Variants in TRPM3 observed in about 807,000 individuals in gnomAD.
The protein encoded by TRPM3 is transient receptor potential cation channel subfamily M member 3, also known as long transient receptor potential channel 3.
In TRPM3, 77 loss-of-function variants were observed where a neutral mutation model predicts 181.2. The ratio of observed to expected loss-of-function variants is 0.42; its 90% CI spans 0.35 to 0.51. TRPM3 has a LOEUF of 0.51. Among genes scored for constraint, TRPM3 ranks in the 20% least tolerant of loss-of-function variants. TRPM3 has a pLI of 0.01. For synonymous variants in TRPM3, 745 were observed against 796.4 expected (o/e 0.94, Z 1.09); for missense variants, 1,759 against 2,196.7 (o/e 0.80, Z 3.98).
At position 71,121,453 on chromosome 9, in the gene TRPM3, T is replaced by C; in HGVS notation, c.-99A>G. On this transcript the variant is annotated 5_prime_UTR_variant, in exon 1 of 26. Coordinates refer to ENST00000677713, the MANE Select transcript of TRPM3 (RefSeq NM_001366145.2). ...GCCTTGCCTGAGCCCCTGAACCTTC[T>C]TAAAACAGCCACCTCCCCTCTCTCT... The C allele has an allele frequency of 6.8e-7, 1 of 1,473,024 alleles. No homozygotes were observed. Among genetic ancestry groups the C allele is most frequent in the Non-Finnish European group, 9.0e-7 (1 of 1,116,242 alleles). 91.2% of individuals were successfully genotyped at this position (1,473,024 alleles called of 1,614,324 possible).
intron 1 of TRPM3, among the ~76,000 whole-genome samples, chr9:70,910,707 A>C (rs2096529279): frequency 6.6e-6 from 1 of 152,168 alleles, no homozygotes; most frequent in African/African-American, 2.4e-5. Context: ...TGTGAATAAG[A>C]GTTACCAAAT....
intron 1 of TRPM3, among the ~76,000 whole-genome samples, chr9:71,279,655 A>G (rs2084540883): frequency 6.6e-6 from 1 of 152,164 alleles, no homozygotes; most frequent in Non-Finnish European, 1.5e-5. Context: ...CCAGCCCCCA[A>G]GCAGGCTCAG....
chr9:71,026,755 C>G (rs1479737456), intron 1 of TRPM3, among the ~76,000 whole-genome samples: 1 of 152,212 alleles, frequency 6.6e-6, no homozygotes, highest in East Asian at 1.9e-4. Flanking sequence ...CCTAAGCGGC[C>G]ACCACTGCCA....
At position 70,536,817 on chromosome 9, in the gene TRPM3, G is replaced by A. The variant is rs138081538; in HGVS notation, c.4296C>T (p.Ser1432=). ...LHCDIDPLDN[S]VNILGLGEPS... ...GCTCGCCCAGCCCAAGGATGTTCACGGAATTGTCCAGAGGGTCTATATCAC... is the reference window on the plus strand; with the variant it reads ...GCTCGCCCAGCCCAAGGATGTTCACAGAATTGTCCAGAGGGTCTATATCAC... The change falls in exon 26 of 26, where the codon TCC becomes TCT. Residue 1432 remains serine, a synonymous_variant. Coordinates refer to ENST00000677713, the MANE Select transcript of TRPM3 (RefSeq NM_001366145.2). 126 of 1,614,130 alleles carry A rather than the reference G, an allele frequency of 7.8e-5. No homozygotes were observed. The Middle Eastern group carries it at 1.3e-3, about 17-fold the overall frequency.
intron 1 of TRPM3, among the ~76,000 whole-genome samples, chr9:70,892,685 G>A (rs773006549): frequency 6.6e-6 from 1 of 151,108 alleles, no homozygotes; most frequent in Non-Finnish European, 1.5e-5. Flanking sequence ...GTTAAGACCA[G>A]TTCTAAATAA....
chr9:70,567,016 C>G (rs141465587), intron 22 of TRPM3, among the ~76,000 whole-genome samples: 3 of 152,198 alleles, frequency 2.0e-5, no homozygotes, highest in East Asian at 3.8e-4. Context: ...TTCTTACTGA[C>G]GACATCAGGG....
At chr9:70,836,430 C>A (rs2094327725) in intron 5 of TRPM3, among the ~76,000 whole-genome samples, 1 of 152,208 alleles carries the variant, frequency 6.6e-6, no homozygotes, top group Non-Finnish European at 1.5e-5. Context: ...TCCACTTCTT[C>A]CTCCTGAACC....
rs2040747049 is a variant in TRPM3, at chr9:70,530,611, C to T, written c.*5342G>A. 6.6e-6 allele frequency: 1 copy of T among 152,160 alleles called. No homozygotes were observed. The highest frequency in any genetic ancestry group is 2.1e-4 in the South Asian group (1 of 4,828). The allele number at this position is 152,160 out of a possible 1,614,324, so 9.4% of individuals were successfully genotyped here. On this transcript the variant is annotated 3_prime_UTR_variant, in exon 26 of 26. Coordinates refer to ENST00000677713, the MANE Select transcript of TRPM3 (RefSeq NM_001366145.2). ...GTCACCAAAATCCTCTCTTAGATGA[C>T]CTGTAGAAACAGTCACGTTGCTTTC...
intron 1 of TRPM3, among the ~76,000 whole-genome samples, chr9:71,309,306 G>A (rs2087693419): frequency 6.6e-6 from 1 of 152,064 alleles, no homozygotes; most frequent in African/African-American, 2.4e-5. Flanking sequence ...GAATTTCTAT[G>A]TTTCATGGAT....
At chr9:71,408,790 G>A (rs1565543609) in intron 1 of TRPM3, among the ~76,000 whole-genome samples, 1 of 152,070 alleles carries the variant, frequency 6.6e-6, no homozygotes, top group Admixed American at 6.5e-5. Flanking sequence ...GCAACCCCAA[G>A]ACATGTAATT....
intron 1 of TRPM3, among the ~76,000 whole-genome samples, chr9:70,996,350 T>C (rs1030711773): frequency 6.6e-6 from 1 of 152,100 alleles, no homozygotes; most frequent in Admixed American, 6.6e-5. Context: ...GGGAATCTGA[T>C]AAAGAAACAA....
At chr9:71,056,894 C>A (rs1362865336) in intron 1 of TRPM3, among the ~76,000 whole-genome samples, 1 of 152,004 alleles carries the variant, frequency 6.6e-6, no homozygotes, top group Non-Finnish European at 1.5e-5. Flanking sequence ...GATTCATCCA[C>A]ACTCTGGAAC....
At chr9:70,818,558 C>A (rs937978239) in intron 6 of TRPM3, among the ~76,000 whole-genome samples, 6 of 152,130 alleles carry the variant, frequency 3.9e-5, no homozygotes, top group Admixed American at 2.0e-4. Flanking sequence ...CAGCTTTGAG[C>A]ACATTTCTGG....
chr9:70,540,971 C>T (rs1045431015), intron 25 of TRPM3, among the ~76,000 whole-genome samples: 4 of 152,130 alleles, frequency 2.6e-5, no homozygotes, highest in African/African-American at 4.8e-5. Context: ...ATCGATCACC[C>T]GCCTCAGCCT....
intron 1 of TRPM3, among the ~76,000 whole-genome samples, chr9:71,047,181 TTA>T (rs1317280598): frequency 6.6e-6 from 1 of 152,158 alleles, no homozygotes; most frequent in Non-Finnish European, 1.5e-5. Flanking sequence ...AGGTCCCAAA[TTA>T]ATCAGAGAAA....
At chr9:71,387,804 G>A (rs565866257) in intron 1 of TRPM3, among the ~76,000 whole-genome samples, 8 of 151,928 alleles carry the variant, frequency 5.3e-5, no homozygotes, top group Non-Finnish European at 7.4e-5. Flanking sequence ...ACTATCTCTA[G>A]AGACAACCAC....
intron 1 of TRPM3, among the ~76,000 whole-genome samples, chr9:71,389,225 A>G (rs2093000341): frequency 6.6e-6 from 1 of 152,138 alleles, no homozygotes; most frequent in African/African-American, 2.4e-5. Context: ...CAAACATGAA[A>G]AAATGCACAA....
intron 8 of TRPM3, among the ~76,000 whole-genome samples, chr9:70,758,581 T>C (rs181309303): frequency 6.6e-6 from 1 of 152,250 alleles, no homozygotes; most frequent in East Asian, 1.9e-4. Context: ...CTTCAAACTA[T>C]ACTGGGAGGC....
intron 1 of TRPM3, among the ~76,000 whole-genome samples, chr9:71,276,666 C>T (rs760925347): frequency 2.6e-5 from 4 of 152,004 alleles, no homozygotes; most frequent in East Asian, 1.9e-4. Context: ...TCAAGCAATG[C>T]CATTAATAGA....
Sources: gnomAD v4.1 joint callset for allele counts (sites outside exome capture counted in the v4.1 genomes callset) on GRCh38, gnomAD v4.1.1 for gene constraint, MANE v1.5 for transcripts, NCBI Gene and HGNC (gene_info 2026-07-23, HGNC 2026-07-21) for gene names.